The following L3MBTL4 variants were observed in gnomAD, a reference collection of about 807,000 sequenced individuals.
L3MBTL4 encodes lethal(3)malignant brain tumor-like protein 4.
L3MBTL4 carries 70 observed loss-of-function variants against 84.5 expected under a neutral mutation model. That is an observed-to-expected ratio of 0.83 (90% CI 0.68 to 1.01). L3MBTL4 has a LOEUF of 1.01. Ranked by LOEUF, L3MBTL4 falls within the 50% of genes least tolerant of loss-of-function variation. The pLI, the probability that L3MBTL4 is intolerant of heterozygous loss-of-function variation, is 0.00. For missense variants in L3MBTL4, 715 were observed against 754.8 expected (o/e 0.95, Z 0.62); for synonymous variants, 274 against 259.8 (o/e 1.05, Z -0.52).
intron 15 of L3MBTL4, chr18:6,082,460 T>C (rs2143314461): frequency 1.3e-5 from 2 of 152,194 alleles, no homozygotes; most frequent in Middle Eastern, 6.8e-3. Flanking sequence ...ATAAGGTAAG[T>C]AGTGCAGCCT....
intron 16 of L3MBTL4, among the ~76,000 whole-genome samples, chr18:5,997,822 A>G (rs73374492): frequency 0.024 from 3,667 of 152,266 alleles, 131 homozygotes; most frequent in African/African-American, 0.079. Context: ...TGTCTCAGAT[A>G]TTTTGAGTTC....
chr18:6,401,839 AG>A (rs1337834871), intron 1 of L3MBTL4, among the ~76,000 whole-genome samples: 1 of 152,232 alleles, frequency 6.6e-6, no homozygotes, highest in Non-Finnish European at 1.5e-5. Flanking sequence ...GCGGTGTGCA[AG>A]GGTGCAGTAG....
chr18:6,406,102 C>T (rs1002086602), intron 1 of L3MBTL4, among the ~76,000 whole-genome samples: 1 of 152,332 alleles, frequency 6.6e-6, no homozygotes, highest in African/African-American at 2.4e-5. Context: ...CACCAAGCTA[C>T]TGAACACAAC....
chr18:6,129,135 C>T (rs969961450), intron 14 of L3MBTL4, among the ~76,000 whole-genome samples: 3 of 152,000 alleles, frequency 2.0e-5, no homozygotes, highest in Non-Finnish European at 4.4e-5. Flanking sequence ...AAAGGAAGGT[C>T]AATGATGCAA....
chr18:6,271,476 C>T (rs1456071404), intron 4 of L3MBTL4, among the ~76,000 whole-genome samples: 1 of 152,084 alleles, frequency 6.6e-6, no homozygotes, highest in Non-Finnish European at 1.5e-5. Flanking sequence ...GCAAAATAGT[C>T]CCGAAGCTGC....
Position 6,203,330 on chromosome 18 carries a change from C to G in L3MBTL4, c.981+9819G>C, listed in dbSNP as rs576401460. Among the ~76,000 whole-genome samples, 223 of 152,348 alleles carry G rather than the reference C, an allele frequency of 1.5e-3. 1 individual carries two copies. The highest frequency in any genetic ancestry group is 5.1e-3 in the African/African-American group (213 of 41,580). ...TCCTCCCACATCATCCAGCCCAGCT[C>G]TCTAACATAGAGCCTCACATTCCAG... On this transcript the variant is annotated intron_variant, in intron 12 of 18. Coordinates refer to ENST00000317931, the MANE Select transcript of L3MBTL4 (RefSeq NM_001330559.2).
intron 16 of L3MBTL4, among the ~76,000 whole-genome samples, chr18:6,064,741 GC>G (rs1425173909): frequency 6.6e-6 from 1 of 151,854 alleles, no homozygotes; most frequent in African/African-American, 2.4e-5. Flanking sequence ...AGATCTAGGA[GC>G]TTTTTGGATG....
intron 1 of L3MBTL4, among the ~76,000 whole-genome samples, chr18:6,345,693 C>A (rs2052863417): frequency 6.6e-6 from 1 of 152,058 alleles, no homozygotes; most frequent in African/African-American, 2.4e-5. Context: ...TACAGAGAAA[C>A]ATACTCCCTT....
At chr18:6,151,487 G>A (rs1014212224) in intron 13 of L3MBTL4, among the ~76,000 whole-genome samples, 1 of 152,128 alleles carries the variant, frequency 6.6e-6, no homozygotes, top group African/African-American at 2.4e-5. Context: ...CTGCCTCCCA[G>A]ATTCAAGCAC....
At position 5,968,539 on chromosome 18, in the gene L3MBTL4, C is replaced by CA. The variant is rs562577604; in HGVS notation, c.1614+853dup. Among the ~76,000 whole-genome samples, 551 of 151,164 alleles carry CA rather than the reference C, an allele frequency of 3.6e-3. 2 individuals carry two copies. The highest frequency in any genetic ancestry group is 0.013 in the African/African-American group (528 of 41,204). On this transcript the variant is annotated intron_variant, in intron 17 of 18. Transcript: ENST00000317931. Reference sequence around the variant, plus strand: ...ATAATGAGACCCCGTATCCACAAAACAAAAAAAATTAGCTAGGTGTGGTGG... The same window carrying CA: ...ATAATGAGACCCCGTATCCACAAAACAAAAAAAAATTAGCTAGGTGTGGTGG...
At position 6,325,532 on chromosome 18, in the gene L3MBTL4, T is replaced by C. The variant is rs181480428; in HGVS notation, c.-90-13476A>G. The stretch of plus-strand genomic sequence containing the variant: ...CAAAATCAAGCAAAAGCCCTTAATA[T>C]GTACCTTAGATATATACGGCAAACT... On this transcript the variant is annotated intron_variant, in intron 1 of 18. Coordinates refer to ENST00000317931, the MANE Select transcript of L3MBTL4 (RefSeq NM_001330559.2). Among the ~76,000 whole-genome samples the C allele has an allele frequency of 4.9e-4, 75 of 152,258 alleles. No homozygotes were observed. The East Asian group carries it at 0.01, about 20-fold the overall frequency.
chr18:6,296,430 C>T lies in L3MBTL4; in HGVS notation c.127+5473G>A, dbSNP rs1009731577. Among the ~76,000 whole-genome samples the T allele has an allele frequency of 4.6e-5, 7 of 152,174 alleles. No homozygotes were observed. In the East Asian group the frequency reaches 5.8e-4, roughly 13 times the overall value. On this transcript the variant is annotated intron_variant, in intron 4 of 18. Transcript: ENST00000317931. ...CTTAGGTAGGAGATTTGGCATATTACGTAACTGATTATTTTTTAAAAAACC... is the reference window on the plus strand; with the variant it reads ...CTTAGGTAGGAGATTTGGCATATTATGTAACTGATTATTTTTTAAAAAACC...
intron 16 of L3MBTL4, among the ~76,000 whole-genome samples, chr18:5,974,940 G>C (rs2052830774): frequency 6.6e-6 from 1 of 151,192 alleles, no homozygotes; most frequent in Non-Finnish European, 1.5e-5. Context: ...TCCCAGTTTG[G>C]GTGACAGAGA....
At chr18:6,270,867 G>A (rs898655640) in intron 4 of L3MBTL4, among the ~76,000 whole-genome samples, 16 of 152,322 alleles carry the variant, frequency 1.1e-4, no homozygotes, top group African/African-American at 3.6e-4. Context: ...AGACTTTCGA[G>A]TGGTAGGTGA....
chr18:6,285,393 G>A (rs1158776731), intron 4 of L3MBTL4, among the ~76,000 whole-genome samples: 1 of 152,140 alleles, frequency 6.6e-6, no homozygotes, highest in Non-Finnish European at 1.5e-5. Context: ...CTGTGGGATG[G>A]GACTGGAATT....
intron 16 of L3MBTL4, among the ~76,000 whole-genome samples, chr18:6,020,791 T>G (rs1343737996): frequency 6.6e-6 from 1 of 152,088 alleles, no homozygotes; most frequent in Non-Finnish European, 1.5e-5. Context: ...GATCTAGGCT[T>G]GGAAGATAGG....
In L3MBTL4 at chr18:6,004,146, A is replaced by G. The variant is rs1398830155; in HGVS notation, c.1445-34584T>C. Among the ~76,000 whole-genome samples the G allele has an allele frequency of 7.9e-5, 12 of 151,136 alleles. No homozygotes were observed. In the East Asian group the frequency reaches 2.1e-3, roughly 27 times the overall value. On this transcript the variant is annotated intron_variant, in intron 16 of 18. Coordinates refer to ENST00000317931, the MANE Select transcript of L3MBTL4 (RefSeq NM_001330559.2). ...CAAAACTTTAGCTAGATTGACTAAGAAAAAAAACGAATACTCAAATTACTA... is the reference window on the plus strand; with the variant it reads ...CAAAACTTTAGCTAGATTGACTAAGGAAAAAAACGAATACTCAAATTACTA...
chr18:6,071,103 G>T (rs760216393), intron 16 of L3MBTL4, among the ~76,000 whole-genome samples: 2 of 152,026 alleles, frequency 1.3e-5, no homozygotes, highest in Non-Finnish European at 2.9e-5. Context: ...AGAGATGGTA[G>T]CAATAGGCTG....
chr18:6,044,991 A>G (rs2056551960), intron 16 of L3MBTL4, among the ~76,000 whole-genome samples: 1 of 152,248 alleles, frequency 6.6e-6, no homozygotes, highest in African/African-American at 2.4e-5. Flanking sequence ...GTTCTAGCTG[A>G]CAACCACCAC....
Sources: gnomAD v4.1 joint callset for allele counts (sites outside exome capture counted in the v4.1 genomes callset) on GRCh38, gnomAD v4.1.1 for gene constraint, MANE v1.5 for transcripts, NCBI Gene and HGNC (gene_info 2026-07-23, HGNC 2026-07-21) for gene names.